MAF: variants seen among roughly 807,000 people sequenced by gnomAD.
MAF encodes the protein transcription factor Maf.
In MAF, 10 loss-of-function variants were observed where a neutral mutation model predicts 22.0. That is an observed-to-expected ratio of 0.45 (90% CI 0.28 to 0.77). MAF has a LOEUF of 0.77. MAF is among the 30% of genes least tolerant of loss of function. The pLI is 0.12. For synonymous variants in MAF, 337 were observed against 255.8 expected (o/e 1.32, Z -3.03); for missense variants, 544 against 548.4 (o/e 0.99, Z 0.08).
At chr16:79,366,061 A>T in the MAF span, among the ~76,000 whole-genome samples, 2 of 152,134 alleles carry the variant, frequency 1.3e-5, no homozygotes, top group African/African-American at 4.8e-5. Context: ...AAAACCATTT[A>T]AGTTTCTGTT....
chr16:79,383,514 G>A, the MAF span, among the ~76,000 whole-genome samples: 2 of 152,140 alleles, frequency 1.3e-5, no homozygotes, highest in African/African-American at 4.8e-5. Flanking sequence ...AAGGCAAAGT[G>A]GAAATCCATT....
At chr16:79,539,364 T>A in the MAF span, among the ~76,000 whole-genome samples, 1 of 152,082 alleles carries the variant, frequency 6.6e-6, no homozygotes, top group Non-Finnish European at 1.5e-5. Flanking sequence ...TTGGCCGGGC[T>A]TGGTGGCATG....
chr16:79,406,165 T>C, the MAF span, among the ~76,000 whole-genome samples: 2 of 148,878 alleles, frequency 1.3e-5, no homozygotes, highest in Non-Finnish European at 3.0e-5. Context: ...GGCTGTTCCC[T>C]GCTGCTTTCC....
chr16:79,254,461 A>G, the MAF span, among the ~76,000 whole-genome samples: 13 of 152,282 alleles, frequency 8.5e-5, no homozygotes, highest in African/African-American at 3.1e-4. Flanking sequence ...ACCATTATCA[A>G]TAATACTCCA....
the MAF span, among the ~76,000 whole-genome samples, chr16:79,437,599 C>T: frequency 2.0e-5 from 3 of 152,070 alleles, no homozygotes; most frequent in South Asian, 2.1e-4. Flanking sequence ...TGTGTGCCCC[C>T]TCATTTTACA....
chr16:79,524,517 T>G, the MAF span, among the ~76,000 whole-genome samples: 1 of 152,250 alleles, frequency 6.6e-6, no homozygotes, highest in Non-Finnish European at 1.5e-5. Flanking sequence ...ATCAGCAATT[T>G]TGAGGTTTCT....
At chr16:79,306,123 T>C in the MAF span, among the ~76,000 whole-genome samples, 1 of 152,228 alleles carries the variant, frequency 6.6e-6, no homozygotes, top group Admixed American at 6.5e-5. Flanking sequence ...GGCTCCAATA[T>C]TGGAAAGGGA....
the MAF span, among the ~76,000 whole-genome samples, chr16:79,217,115 T>A: frequency 1.3e-5 from 2 of 152,234 alleles, no homozygotes; most frequent in African/African-American, 4.8e-5. Flanking sequence ...CGGTGTCATC[T>A]GCTACTTCTA....
At chr16:79,476,059 G>T in the MAF span, among the ~76,000 whole-genome samples, 1 of 152,220 alleles carries the variant, frequency 6.6e-6, no homozygotes, top group Non-Finnish European at 1.5e-5. Context: ...CCAGGTGATG[G>T]CTTGGAAGAG....
At chr16:79,213,768 C>A in the MAF span, among the ~76,000 whole-genome samples, 2 of 149,558 alleles carry the variant, frequency 1.3e-5, no homozygotes, top group African/African-American at 4.9e-5. Context: ...GAAGAAACTG[C>A]ACATTTCACT....
At chr16:79,418,000 TG>T in the MAF span, among the ~76,000 whole-genome samples, 1 of 152,188 alleles carries the variant, frequency 6.6e-6, no homozygotes, top group Non-Finnish European at 1.5e-5. Context: ...TGCGCGGGTC[TG>T]GCCTTGTGCA....
the MAF span, among the ~76,000 whole-genome samples, chr16:79,290,264 G>A: frequency 8.3e-3 from 1,257 of 152,304 alleles, 15 homozygotes; most frequent in African/African-American, 0.028. Context: ...GGCAGAGGAT[G>A]CCAACAACAC....
At chr16:79,352,098 T>C in the MAF span, among the ~76,000 whole-genome samples, 1 of 152,146 alleles carries the variant, frequency 6.6e-6, no homozygotes, top group East Asian at 1.9e-4. Flanking sequence ...TTAGGGGAGA[T>C]GGCACCTGCT....
chr16:79,205,285 C>T, the MAF span: 1 of 152,204 alleles, frequency 6.6e-6, no homozygotes. Context: ...CCATCAAGCC[C>T]CTGTCATAGA....
At chr16:79,328,473 C>A in the MAF span, among the ~76,000 whole-genome samples, 2 of 152,040 alleles carry the variant, frequency 1.3e-5, no homozygotes, top group African/African-American at 4.8e-5. Context: ...AGGGTGGGGC[C>A]CTTGCATGAG....
At chr16:79,251,273 G>T in the MAF span, among the ~76,000 whole-genome samples, 1 of 151,096 alleles carries the variant, frequency 6.6e-6, no homozygotes, top group Non-Finnish European at 1.5e-5. Context: ...TTTTCTAGGT[G>T]TGCAAATGCT....
At chr16:79,242,473 C>T in the MAF span, among the ~76,000 whole-genome samples, 2 of 151,458 alleles carry the variant, frequency 1.3e-5, no homozygotes, top group South Asian at 2.1e-4. Flanking sequence ...TTACATAATA[C>T]TAAAGGGATC....
the MAF span, among the ~76,000 whole-genome samples, chr16:79,570,771 A>G: frequency 1.3e-5 from 2 of 152,178 alleles, no homozygotes; most frequent in African/African-American, 4.8e-5. Context: ...ATACAATACA[A>G]CTGGTCCTTC....
intron 1 of MAF, 162 bp from the exon 2 acceptor site, chr16:79,594,715 A>G: frequency 1.4e-6 from 2 of 1,435,740 alleles, no homozygotes; most frequent in Non-Finnish European, 1.8e-6. Flanking sequence ...TTTGTAAGAA[A>G]AAAAAAACAT....
Sources: gnomAD v4.1 joint callset for allele counts (sites outside exome capture counted in the v4.1 genomes callset) on GRCh38, gnomAD v4.1.1 for gene constraint, MANE v1.5 for transcripts, NCBI Gene and HGNC (gene_info 2026-07-23, HGNC 2026-07-21) for gene names.